The following NRXN3 variants were observed in gnomAD, a reference collection of about 807,000 sequenced individuals.
NRXN3 encodes neurexin III.
In NRXN3, 32 loss-of-function variants were observed where a neutral mutation model predicts 137.6. That is an observed-to-expected ratio of 0.23 (90% CI 0.18 to 0.31). The LOEUF is 0.31. Among genes scored for constraint, NRXN3 ranks in the 10% least tolerant of loss-of-function variants. The pLI, the probability that NRXN3 is intolerant of heterozygous loss-of-function variation, is 1.00. For missense variants in NRXN3, 1,574 were observed against 2,062.5 expected, an observed-to-expected ratio of 0.76 and a Z score of 4.59; for synonymous variants, 798 against 784.5, an observed-to-expected ratio of 1.02 and a Z score of -0.29.
At chr14:79,608,327 T>A (rs2153854316) in intron 16 of NRXN3, among the ~76,000 whole-genome samples, 1 of 152,316 alleles carries the variant, frequency 6.6e-6, no homozygotes, top group Non-Finnish European at 1.5e-5. Context: ...TACCTAATGC[T>A]GTGAAATTTT....
At chr14:79,760,426 T>C (rs1478682499) in intron 19 of NRXN3, among the ~76,000 whole-genome samples, 1 of 151,100 alleles carries the variant, frequency 6.6e-6, no homozygotes, top group Non-Finnish European at 1.5e-5. Flanking sequence ...TTAACCTTTT[T>C]TTTTTTTTTT....
At chr14:78,757,926 T>C (rs2098676350) in intron 8 of NRXN3, among the ~76,000 whole-genome samples, 1 of 152,216 alleles carries the variant, frequency 6.6e-6, no homozygotes, top group South Asian at 2.1e-4. Flanking sequence ...ATGTTTATTT[T>C]TAAATAAAAG....
chr14:78,600,173 A>G lies in NRXN3; in HGVS notation c.758-44947A>G, dbSNP rs1343495780. ...GTCTTGGGTATCCGACAGTGGAACC[A>G]CTCTAGTACCTGACACACCTACTCT... On this transcript the variant is annotated intron_variant, in intron 4 of 20. Transcript: ENST00000335750. Among the ~76,000 whole-genome samples the G allele has an allele frequency of 2.6e-5, 4 of 152,008 alleles. No homozygotes were observed. In the East Asian group the frequency reaches 7.8e-4, roughly 29 times the overall value.
intron 4 of NRXN3, among the ~76,000 whole-genome samples, chr14:78,532,503 T>C (rs1473270081): frequency 1.3e-5 from 2 of 151,680 alleles, no homozygotes; most frequent in East Asian, 3.9e-4. Context: ...ATGACTTCTC[T>C]CATTCAAGAC....
At chr14:78,829,921 A>G (rs544004535) in intron 10 of NRXN3, among the ~76,000 whole-genome samples, 8 of 152,238 alleles carry the variant, frequency 5.3e-5, no homozygotes, top group African/African-American at 1.9e-4. Flanking sequence ...TTTCTAGGCA[A>G]TGGTATTTGA....
chr14:78,751,770 C>G (rs896938803), intron 8 of NRXN3, among the ~76,000 whole-genome samples: 33 of 152,266 alleles, frequency 2.2e-4, no homozygotes, highest in African/African-American at 7.7e-4. Context: ...TGACCTTGCC[C>G]AGCAGTGTGG....
At chr14:78,934,106 A>C (rs2099329058) in intron 10 of NRXN3, among the ~76,000 whole-genome samples, 1 of 144,132 alleles carries the variant, frequency 6.9e-6, no homozygotes. Flanking sequence ...TTGTAAATTG[A>C]GTGTTATTTG....
chr14:78,448,433 A>G (rs756894650), intron 4 of NRXN3, among the ~76,000 whole-genome samples: 13 of 152,356 alleles, frequency 8.5e-5, no homozygotes, highest in East Asian at 7.7e-4. Flanking sequence ...GGGTTTGGGT[A>G]GCCAAATGAA....
chr14:78,291,682 A>G (rs1191858575), intron 3 of NRXN3, among the ~76,000 whole-genome samples: 2 of 152,152 alleles, frequency 1.3e-5, no homozygotes, highest in African/African-American at 2.4e-5. Flanking sequence ...GAATGTTTCT[A>G]TGACCTTCTG....
At chr14:79,434,859 T>A (rs1234494354) in intron 15 of NRXN3, among the ~76,000 whole-genome samples, 1 of 152,192 alleles carries the variant, frequency 6.6e-6, no homozygotes, top group African/African-American at 2.4e-5. Context: ...CTAAATTGCA[T>A]AAACGGATCT....
intron 15 of NRXN3, among the ~76,000 whole-genome samples, chr14:79,366,254 T>C (rs1300007531): frequency 1.3e-5 from 2 of 152,196 alleles, no homozygotes; most frequent in African/African-American, 4.8e-5. Context: ...ATGTGAAATA[T>C]CACATCAAGA....
intron 6 of NRXN3, among the ~76,000 whole-genome samples, chr14:78,656,633 G>A (rs1290953529): frequency 6.6e-6 from 1 of 152,112 alleles, no homozygotes; most frequent in Non-Finnish European, 1.5e-5. Context: ...GCAGAACATG[G>A]TCAGATTGGC....
intron 4 of NRXN3, among the ~76,000 whole-genome samples, chr14:78,476,073 T>C (rs931753173): frequency 2.0e-5 from 3 of 152,186 alleles, no homozygotes; most frequent in Admixed American, 1.3e-4. Flanking sequence ...TAATTCCCAA[T>C]GACATTGCTA....
intron 16 of NRXN3, among the ~76,000 whole-genome samples, chr14:79,567,329 C>T (rs374428106): frequency 6.6e-6 from 1 of 151,908 alleles, no homozygotes; most frequent in Non-Finnish European, 1.5e-5. Context: ...AAGAAATTAT[C>T]TGTACCGATC....
chr14:78,852,623 A>G (rs1020662423), intron 10 of NRXN3, among the ~76,000 whole-genome samples: 1 of 152,236 alleles, frequency 6.6e-6, no homozygotes, highest in African/African-American at 2.4e-5. Context: ...CCTTTGTTAG[A>G]ATTTCTGGTT....
At chr14:78,318,249 T>TCAG (rs2078937762) in intron 4 of NRXN3, among the ~76,000 whole-genome samples, 2 of 152,206 alleles carry the variant, frequency 1.3e-5, no homozygotes, top group Admixed American at 1.3e-4. Context: ...AATCAGGGAC[T>TCAG]CAGCATCTTA....
At chr14:79,814,164 T>C (rs1023659955) in intron 20 of NRXN3, among the ~76,000 whole-genome samples, 1 of 152,258 alleles carries the variant, frequency 6.6e-6, no homozygotes, top group African/African-American at 2.4e-5. Flanking sequence ...TTTATTATTA[T>C]TTCCATTGGA....
At chr14:78,171,341 AGTGT>A (rs150864901) in intron 1 of NRXN3, among the ~76,000 whole-genome samples, 8 of 143,472 alleles carry the variant, frequency 5.6e-5, no homozygotes, top group South Asian at 2.2e-4. Flanking sequence ...TGTGTGTGTG[AGTGT>A]GTGTGTGTGT....
rs530580206 is a variant in NRXN3 at position 79,182,156 on chromosome 14, T to C, written c.3262+194015T>C. ...ATTAATACTTACTGAGTACCTAGCA[T>C]GTGTGAAGACGATATTCTAAGTCAG... On this transcript the variant is annotated intron_variant, in intron 15 of 20. Transcript: ENST00000335750. 1.2e-4 allele frequency among the ~76,000 whole-genome samples: 18 copies of C among 152,194 alleles called. 1 individual carries two copies. In the South Asian group the frequency reaches 3.5e-3, roughly 30 times the overall value.
Sources: allele counts gnomAD v4.1 joint callset (sites outside exome capture counted in the v4.1 genomes callset), GRCh38; gene constraint gnomAD v4.1.1; transcripts MANE v1.5; gene names NCBI Gene and HGNC (gene_info 2026-07-23, HGNC 2026-07-21).